NOTCH2NLC: variants seen among roughly 807,000 people sequenced by gnomAD.
NOTCH2NLC encodes notch homolog 2 N-terminal-like protein C.
NOTCH2NLC carries 4 observed loss-of-function variants against 17.7 expected under a neutral mutation model. The observed-to-expected ratio is 0.23, with a 90% CI of 0.11 to 0.52. NOTCH2NLC has a LOEUF of 0.52. Among genes scored for constraint, NOTCH2NLC ranks in the 20% least tolerant of loss-of-function variants. The pLI is 0.96. For missense variants in NOTCH2NLC, 57 were observed against 207.2 expected, an observed-to-expected ratio of 0.28 and a Z score of 4.45; for synonymous variants, 18 against 86.0, an observed-to-expected ratio of 0.21 and a Z score of 4.38.
At chr1:149,392,628 G>A (rs1215049685) in intron 1 of NOTCH2NLC, among the ~76,000 whole-genome samples, 4 of 151,274 alleles carry the variant, frequency 2.6e-5, no homozygotes, top group Non-Finnish European at 4.4e-5. Flanking sequence ...CAGTCTGAGG[G>A]TAATAATCCT....
intron 2 of NOTCH2NLC, among the ~76,000 whole-genome samples, chr1:149,445,901 T>TAAAAAAAAA (rs1182076544): frequency 1.4e-5 from 1 of 72,604 alleles, no homozygotes; most frequent in African/African-American, 5.4e-5. Context: ...ATCCTCGTTT[T>TAAAAAAAAA]AAAAAAAAAA....
chr1:149,415,211 T>C (rs2101475260), intron 1 of NOTCH2NLC, among the ~76,000 whole-genome samples: 1 of 84,004 alleles, frequency 1.2e-5, no homozygotes, highest in South Asian at 4.6e-4. Context: ...TCTACCAGAG[T>C]GTCCTACAGG....
In NOTCH2NLC at chr1:149,462,979, G is replaced by T. The variant is rs1213552083; in HGVS notation, c.470-512G>T. Among the ~76,000 whole-genome samples the T allele has an allele frequency of 3.0e-4, 44 of 146,642 alleles. 1 individual carries two copies. Among genetic ancestry groups the T allele is most frequent in the Non-Finnish European group, 6.1e-5 (4 of 65,596 alleles). ...GCCTTCCAAGTAGCTGGGATTACAG[G>T]TGCGCGCCACCATGCCCAGCTAATT... On this transcript the variant is annotated intron_variant, in intron 3 of 4. Transcript: ENST00000650865.
chr1:149,422,895 C>A, intron 1 of NOTCH2NLC, among the ~76,000 whole-genome samples: 2 of 132,842 alleles, frequency 1.5e-5, no homozygotes, highest in African/African-American at 5.6e-5. Context: ...GCAATGAGTT[C>A]AATATTATAA....
intron 1 of NOTCH2NLC, among the ~76,000 whole-genome samples, chr1:149,416,892 C>T (rs1258877062): frequency 7.1e-6 from 1 of 140,384 alleles, no homozygotes; most frequent in Non-Finnish European, 1.6e-5. Flanking sequence ...TTCTGAGATA[C>T]AGCATTGGCA....
intron 1 of NOTCH2NLC, among the ~76,000 whole-genome samples, chr1:149,419,958 C>T (rs1328174707): frequency 7.1e-6 from 1 of 140,176 alleles, no homozygotes; most frequent in African/African-American, 2.6e-5. Context: ...GCTCCGCCTC[C>T]CGGGTTCATG....
At chr1:149,399,289 A>C (rs1201138361) in intron 1 of NOTCH2NLC, among the ~76,000 whole-genome samples, 1 of 149,904 alleles carries the variant, frequency 6.7e-6, no homozygotes, top group African/African-American at 2.5e-5. Context: ...TATTTTCAAT[A>C]ATCTATTTTA....
chr1:149,435,839 C>G (rs1428905299), intron 2 of NOTCH2NLC, among the ~76,000 whole-genome samples: 1 of 144,038 alleles, frequency 6.9e-6, no homozygotes, highest in Non-Finnish European at 1.5e-5. Context: ...GCAGGACTTC[C>G]GTTTTCTGCT....
Position 149,390,703 on chromosome 1 carries a change from T to C in NOTCH2NLC, c.-85T>C, listed in dbSNP as rs1384983615. On this transcript the variant is annotated 5_prime_UTR_variant, in exon 1 of 5. Transcript: ENST00000650865. ...GGAGTCGAGGCATTTGCGCCTGTGC[T>C]TCGGACCGTAGCGCCAGGGCCTGAG... is the stretch of plus-strand genomic sequence containing the variant. The C allele has an allele frequency of 0.015, 18,007 of 1,240,492 alleles. 928 individuals carry two copies. The highest frequency in any genetic ancestry group is 0.017 in the Non-Finnish European group (16,590 of 989,046). The allele number at this position is 1,240,492 out of a possible 1,614,324, so 76.8% of individuals were successfully genotyped here.
rs1176135315 is a variant in NOTCH2NLC, at chr1:149,400,139, A to ATTTTTT, written c.135+9222_135+9227dup. On this transcript the variant is annotated intron_variant, in intron 1 of 4. Coordinates refer to ENST00000650865, the MANE Select transcript of NOTCH2NLC (RefSeq NM_001364013.2). ...ATATATATATATATATATAATATATATTTTTTTTTTAGTTTATGAACAGAT... is the reference window on the plus strand; with the variant it reads ...ATATATATATATATATATAATATATATTTTTTTTTTTTTTTTAGTTTATGAACAGAT... Among the ~76,000 whole-genome samples the ATTTTTT allele has an allele frequency of 4.0e-4, 53 of 131,944 alleles. No homozygotes were observed. In the East Asian group the frequency reaches 7.0e-3, roughly 18 times the overall value. The allele number at this position is 131,944 out of a possible 152,430, so 86.6% of individuals were successfully genotyped here. A position where few individuals can be genotyped will look rare whatever the true frequency, so the allele number is the denominator to read the frequency against.
intron 2 of NOTCH2NLC, among the ~76,000 whole-genome samples, chr1:149,451,339 TA>T (rs2084590395): frequency 6.7e-6 from 1 of 149,314 alleles, no homozygotes; most frequent in Non-Finnish European, 1.5e-5. Flanking sequence ...GAGGGATAAG[TA>T]AGAAGTAGAT....
chr1:149,432,457 T>G (rs2084456680), intron 2 of NOTCH2NLC, among the ~76,000 whole-genome samples: 1 of 151,136 alleles, frequency 6.6e-6, no homozygotes, highest in Non-Finnish European at 1.5e-5. Flanking sequence ...TTAGTTTTTC[T>G]AGCTGGAGGA....
In NOTCH2NLC at chr1:149,420,071, C is replaced by T. The variant is rs2084370820; in HGVS notation, c.136-10871C>T. On this transcript the variant is annotated intron_variant, in intron 1 of 4. Coordinates refer to ENST00000650865, the MANE Select transcript of NOTCH2NLC (RefSeq NM_001364013.2). ...ACTTTTAGTAGAGATGGGGTTTCAC[C>T]GTGTTAGCCAGGATGGTGTCGATCT... is the stretch of plus-strand genomic sequence containing the variant. 2.0e-5 allele frequency among the ~76,000 whole-genome samples: 3 copies of T among 148,994 alleles called. 1 individual carries two copies. The highest frequency in any genetic ancestry group is 4.0e-4 in the East Asian group (2 of 4,968).
chr1:149,413,317 G>A lies in NOTCH2NLC; in HGVS notation c.136-17625G>A, dbSNP rs1422422600. On this transcript the variant is annotated intron_variant, in intron 1 of 4. Coordinates refer to ENST00000650865, the MANE Select transcript of NOTCH2NLC (RefSeq NM_001364013.2). ...GGAATTGAATTTTATCTTTCCACAT[G>A]ATGGCAGATATGCTATGGAACCCTT... Among the ~76,000 whole-genome samples the A allele has an allele frequency of 5.3e-5, 8 of 151,100 alleles. 1 individual carries two copies. The highest frequency in any genetic ancestry group is 1.0e-4 in the Non-Finnish European group (7 of 67,602).
intron 1 of NOTCH2NLC, among the ~76,000 whole-genome samples, chr1:149,430,452 C>T (rs1197975604): frequency 4.8e-5 from 7 of 145,422 alleles, no homozygotes; most frequent in Admixed American, 1.4e-4. Flanking sequence ...TTTAGTTTGT[C>T]GAATTACTGT....
Position 149,392,895 on chromosome 1 carries a change from C to T in NOTCH2NLC, c.135+1973C>T, listed in dbSNP as rs1351550317. On this transcript the variant is annotated intron_variant, in intron 1 of 4. Transcript: ENST00000650865. ...GACCATCCCGGCTAAAACGGTGAAA[C>T]CCCGTCTCTACTAAAAATACAAAAA... Among the ~76,000 whole-genome samples, 46 of 150,098 alleles carry T rather than the reference C, an allele frequency of 3.1e-4. 2 individuals carry two copies. The highest frequency in any genetic ancestry group is 6.8e-4 in the Non-Finnish European group (46 of 67,188).
chr1:149,400,139 A>ATAT (rs1570899101), intron 1 of NOTCH2NLC, among the ~76,000 whole-genome samples: 34 of 131,946 alleles, frequency 2.6e-4, no homozygotes, highest in African/African-American at 6.8e-4. Context: ...TATAATATAT[A>ATAT]TTTTTTTTTT....
chr1:149,435,896 G>C (rs1442698739), intron 2 of NOTCH2NLC, among the ~76,000 whole-genome samples: 3 of 148,988 alleles, frequency 2.0e-5, no homozygotes, highest in Non-Finnish European at 4.5e-5. Context: ...GTACCTTCAC[G>C]ATAAAAAAAA....
intron 3 of NOTCH2NLC, among the ~76,000 whole-genome samples, chr1:149,460,875 CTTTCTTTCTT>C (rs1443780508): frequency 4.0e-5 from 4 of 100,120 alleles, no homozygotes; most frequent in East Asian, 3.1e-4. Context: ...TTCTTTCTTT[CTTTCTTTCTT>C]TCTTTCTTTC....
Sources: gnomAD v4.1 joint callset for allele counts (sites outside exome capture counted in the v4.1 genomes callset) on GRCh38, gnomAD v4.1.1 for gene constraint, MANE v1.5 for transcripts, NCBI Gene and HGNC (gene_info 2026-07-23, HGNC 2026-07-21) for gene names.